RMDN2: variants seen among roughly 807,000 people sequenced by gnomAD.
RMDN2 encodes regulator of microtubule dynamics 2.
In RMDN2, 61 loss-of-function variants were observed where a neutral mutation model predicts 52.8. The ratio of observed to expected loss-of-function variants is 1.16; its 90% confidence interval spans 0.94 to 1.43. The LOEUF (loss-of-function observed/expected upper bound fraction) is 1.43. RMDN2 is among the 40% of genes most tolerant of loss of function. The probability of loss-of-function intolerance (pLI) is 0.00; values close to 1 mark genes in which losing one functional copy is unlikely to be tolerated. For missense variants in RMDN2, 592 were observed against 475.3 expected, an observed-to-expected ratio of 1.25 and a Z score of -2.28; for synonymous variants, 180 against 153.1, an observed-to-expected ratio of 1.18 and a Z score of -1.30.
chr2:37,952,052 T>A, intron 2 of RMDN2: 1 of 1,613,442 alleles, frequency 6.2e-7, no homozygotes, highest in South Asian at 1.1e-5. Context: ...CATTCCTCCA[T>A]AAAGCTGGAT....
downstream of RMDN2, among the ~76,000 whole-genome samples, chr2:38,018,270 A>C (rs1013484785): frequency 6.6e-6 from 1 of 152,340 alleles, no homozygotes; most frequent in East Asian, 1.9e-4. Context: ...GAGCATTCTC[A>C]TACACGGTTA....
chr2:37,949,180 G>T (rs1040554562), intron 2 of RMDN2, among the ~76,000 whole-genome samples: 2 of 152,136 alleles, frequency 1.3e-5, no homozygotes, highest in Non-Finnish European at 2.9e-5. Flanking sequence ...GGCTTCTTGT[G>T]CTCCCAGACA....
At chr2:38,042,794 A>G (rs1401409081) in intron 10 of RMDN2, among the ~76,000 whole-genome samples, 1 of 152,062 alleles carries the variant, frequency 6.6e-6, no homozygotes, top group Non-Finnish European at 1.5e-5. Flanking sequence ...TTATTCCTAA[A>G]TATTTGGGAT....
intron 1 of RMDN2, among the ~76,000 whole-genome samples, 186 bp downstream of exon 1, chr2:37,925,611 T>A (rs137951412): frequency 6.6e-6 from 1 of 152,340 alleles, no homozygotes; most frequent in Non-Finnish European, 1.5e-5. Context: ...CAGCGGCCCA[T>A]AGTGGCTTCC....
At chr2:37,986,557 T>C (rs553498898) in intron 5 of RMDN2, among the ~76,000 whole-genome samples, 108 of 152,220 alleles carry the variant, frequency 7.1e-4, no homozygotes, top group Non-Finnish European at 1.2e-3. Context: ...AGATTGAATC[T>C]GACAATGTGT....
chr2:37,927,271 C>T (rs1021516830), intron 1 of RMDN2, among the ~76,000 whole-genome samples: 2 of 152,244 alleles, frequency 1.3e-5, no homozygotes, highest in East Asian at 1.9e-4. Flanking sequence ...GTTGTGGGTG[C>T]ATCCAAGAGT....
chr2:38,050,786 G>T (rs963907432), intron 10 of RMDN2, among the ~76,000 whole-genome samples: 3 of 152,132 alleles, frequency 2.0e-5, no homozygotes, highest in Non-Finnish European at 4.4e-5. Flanking sequence ...TGAGACAGAG[G>T]CTCGCTCTGT....
At position 37,934,319 on chromosome 2, in the gene RMDN2, C is replaced by G. The variant is rs143937901; in HGVS notation, c.452+4590C>G. ...TATTAGAATCTCTTGTATTCTGTCT[C>G]TTAGTACACAAGTATTATGGACCTA... On this transcript the variant is annotated intron_variant, in intron 2 of 10. Transcript: ENST00000354545. Among the ~76,000 whole-genome samples the G allele has an allele frequency of 3.3e-3, 501 of 152,312 alleles. 3 individuals are homozygous for G. The highest frequency in any genetic ancestry group is 0.011 in the African/African-American group (478 of 41,578).
chr2:38,003,955 G>T (rs200540989), intron 8 of RMDN2, 36 bp from the exon 9 acceptor site: 44 of 1,468,094 alleles, frequency 3.0e-5, no homozygotes, highest in Admixed American at 2.0e-4. Flanking sequence ...TTTTAATATT[G>T]CCCTGTTATT....
At chr2:37,962,040 T>C (rs1670308319) in intron 2 of RMDN2, among the ~76,000 whole-genome samples, 1 of 152,222 alleles carries the variant, frequency 6.6e-6, no homozygotes, top group Non-Finnish European at 1.5e-5. Context: ...CAGCAAAGAT[T>C]GCTGCCTCCT....
chr2:37,982,657 C>T (rs1399548278), intron 5 of RMDN2, among the ~76,000 whole-genome samples: 5 of 152,032 alleles, frequency 3.3e-5, no homozygotes, highest in Non-Finnish European at 2.9e-5. Context: ...ATTGGAGTAC[C>T]TAATAGATAA....
chr2:38,012,494 T>G (rs1380188724), intron 10 of RMDN2: 4 of 403,694 alleles, frequency 9.9e-6, no homozygotes, highest in African/African-American at 6.4e-5. Flanking sequence ...TCAATAGTAA[T>G]AATAAAGAGG....
intron 7 of RMDN2, among the ~76,000 whole-genome samples, chr2:37,994,688 A>G (rs1390049324): frequency 5.3e-5 from 8 of 152,220 alleles, no homozygotes; most frequent in African/African-American, 1.7e-4. Flanking sequence ...AATTTAAAAG[A>G]TGACAATACC....
At chr2:38,043,317 G>C (rs1045541417) in intron 10 of RMDN2, among the ~76,000 whole-genome samples, 1 of 152,100 alleles carries the variant, frequency 6.6e-6, no homozygotes, top group Non-Finnish European at 1.5e-5. Flanking sequence ...AGCTACTGCA[G>C]CTTTTTTAAA....
chr2:37,984,314 T>G (rs1379531605), intron 5 of RMDN2, among the ~76,000 whole-genome samples: 1 of 152,198 alleles, frequency 6.6e-6, no homozygotes, highest in Non-Finnish European at 1.5e-5. Context: ...TGCAGTTTGT[T>G]GGCCAAATAA....
intron 10 of RMDN2, among the ~76,000 whole-genome samples, chr2:38,059,948 A>G (rs1172117807): frequency 5.3e-5 from 8 of 151,962 alleles, no homozygotes; most frequent in Non-Finnish European, 1.0e-4. Flanking sequence ...CCCAGGCTGG[A>G]GTGCAGTGAC....
chr2:38,002,424 A>G lies in RMDN2; in HGVS notation c.1045-1567A>G, dbSNP rs553966943. On this transcript the variant is annotated intron_variant, in intron 8 of 10. Coordinates refer to ENST00000354545, the MANE Select transcript of RMDN2 (RefSeq NM_001170791.3). Reference sequence around the variant, plus strand: ...GCAGAATATGAAATACAGCTATTGAAAATGATGAAGTATATCTATGCTGAC... The same window carrying G: ...GCAGAATATGAAATACAGCTATTGAGAATGATGAAGTATATCTATGCTGAC... Among the ~76,000 whole-genome samples the G allele has an allele frequency of 1.9e-4, 29 of 152,336 alleles. 1 individual carries two copies. The South Asian group carries it at 4.8e-3, about 25-fold the overall frequency.
chr2:38,013,363 T>C (rs1266620089), intron 10 of RMDN2, among the ~76,000 whole-genome samples: 1 of 152,232 alleles, frequency 6.6e-6, no homozygotes. Context: ...GCTGAAACAT[T>C]TTGAAATGGC....
At chr2:37,954,562 T>A (rs1669220035) in intron 2 of RMDN2, among the ~76,000 whole-genome samples, 1 of 152,130 alleles carries the variant, frequency 6.6e-6, no homozygotes, top group South Asian at 2.1e-4. Context: ...CCTATACATC[T>A]GTCTTTACAC....
Sources: allele counts gnomAD v4.1 joint callset (sites outside exome capture counted in the v4.1 genomes callset), GRCh38; gene constraint gnomAD v4.1.1; transcripts MANE v1.5; gene names NCBI Gene and HGNC (gene_info 2026-07-23, HGNC 2026-07-21).